The following SLC39A10 variants were observed in gnomAD, a reference collection of about 807,000 sequenced individuals.
SLC39A10 encodes zinc transporter ZIP10.
In SLC39A10, 13 loss-of-function variants were observed where a neutral mutation model predicts 65.1. The ratio of observed to expected loss-of-function variants is 0.20; its 90% CI spans 0.13 to 0.32. SLC39A10 has a LOEUF of 0.32. Ranked by LOEUF, SLC39A10 falls within the 10% of genes least tolerant of loss-of-function variation. The probability of loss-of-function intolerance (pLI) is 1.00; values close to 1 mark genes in which losing one functional copy is unlikely to be tolerated. For missense variants in SLC39A10, 831 were observed against 1,018.4 expected (o/e 0.82, Z 2.50); for synonymous variants, 321 against 342.2 (o/e 0.94, Z 0.68).
intron 6 of SLC39A10, 56 bp downstream of exon 6, chr2:195,713,609 A>G (rs1287628719): frequency 1.3e-6 from 2 of 1,487,142 alleles, no homozygotes; most frequent in African/African-American, 2.9e-5. Flanking sequence ...TTTCATTCAA[A>G]TTTACATTTA....
chr2:195,718,382 C>A, intron 8 of SLC39A10, 50 bp downstream of exon 8: 1 of 1,393,232 alleles, frequency 7.2e-7, no homozygotes, highest in South Asian at 1.3e-5. Context: ...CTAAGACTTC[C>A]TTAATTGTAA....
In SLC39A10 at chr2:195,680,326, A is replaced by G; in HGVS notation, c.284A>G (p.Lys95Arg). 3 of 1,614,170 alleles carry G rather than the reference A, an allele frequency of 1.9e-6. No individual in the cohort carries two copies. The highest frequency in any genetic ancestry group is 2.5e-6 in the Non-Finnish European group (3 of 1,180,034). ...LLTNLGLGER[K>R]VVEINHEDLG... ...ACAAACTTGGGCCTTGGAGAGAGAA[A>G]AGTAGTTGAGATTAATCATGAGGAT... The change falls in exon 2 of 10, where the codon AAA (lysine) becomes AGA (arginine). Residue 95 changes from lysine (K) to arginine (R), a missense_variant. By Grantham distance (26) the Lys-to-Arg change is conservative (BLOSUM62 2). This residue lies in a region of SLC39A10 where 446 missense variants were observed against 499.2 expected (regional missense o/e 0.89). Transcript: ENST00000359634.
intron 8 of SLC39A10, among the ~76,000 whole-genome samples, chr2:195,722,881 G>A (rs1025193613): frequency 1.3e-5 from 2 of 152,184 alleles, no homozygotes; most frequent in Admixed American, 6.5e-5. Flanking sequence ...AATACATGGA[G>A]ACTGACCCTC....
intron 2 of SLC39A10, among the ~76,000 whole-genome samples, chr2:195,645,646 T>C (rs1688899634): frequency 6.6e-6 from 1 of 152,182 alleles, no homozygotes; most frequent in Admixed American, 6.5e-5. Flanking sequence ...CTCTATAAAT[T>C]TTCCTATTCT....
intron 3 of SLC39A10, among the ~76,000 whole-genome samples, chr2:195,697,388 CT>C (rs1030579027): frequency 1.3e-4 from 19 of 151,906 alleles, no homozygotes; most frequent in African/African-American, 4.4e-4. Flanking sequence ...ATTTATTTGT[CT>C]TCTTTAATTT....
At chr2:195,625,837 C>G (rs965238085) in intron 2 of SLC39A10, among the ~76,000 whole-genome samples, 5 of 152,176 alleles carry the variant, frequency 3.3e-5, no homozygotes, top group African/African-American at 1.2e-4. Context: ...AGAACAGTCT[C>G]GCTCTGTCAC....
intron 2 of SLC39A10, among the ~76,000 whole-genome samples, chr2:195,619,222 A>C (rs2105685167): frequency 6.6e-6 from 1 of 152,106 alleles, no homozygotes; most frequent in East Asian, 1.9e-4. Context: ...TAGGTAGTAG[A>C]GTAAAATAAA....
At chr2:195,703,313 A>C (rs1180861800) in intron 3 of SLC39A10, among the ~76,000 whole-genome samples, 1 of 152,226 alleles carries the variant, frequency 6.6e-6, no homozygotes, top group Non-Finnish European at 1.5e-5. Flanking sequence ...GCATCTTTGA[A>C]AATATTTTTA....
At chr2:195,621,725 C>G (rs1052811125) in intron 2 of SLC39A10, among the ~76,000 whole-genome samples, 1 of 152,142 alleles carries the variant, frequency 6.6e-6, no homozygotes, top group African/African-American at 2.4e-5. Flanking sequence ...GCAAACTAAC[C>G]TGAATAAATT....
intron 2 of SLC39A10, among the ~76,000 whole-genome samples, chr2:195,632,286 C>T (rs1438962519): frequency 8.2e-6 from 1 of 121,908 alleles, no homozygotes; most frequent in African/African-American, 3.3e-5. Context: ...TCTCATTCTA[C>T]TTCCTTTTTT....
intron 8 of SLC39A10, among the ~76,000 whole-genome samples, chr2:195,727,329 TTCA>T (rs1333636383): frequency 2.0e-5 from 3 of 152,296 alleles, no homozygotes; most frequent in African/African-American, 7.2e-5. Context: ...GTCACCATTC[TTCA>T]TCAGCACAGT....
chr2:195,626,598 A>T lies in SLC39A10; in HGVS notation c.-12+20365A>T, dbSNP rs993378161. Among the ~76,000 whole-genome samples the T allele has an allele frequency of 6.3e-4, 95 of 151,030 alleles. 1 individual carries two copies. Among genetic ancestry groups the T allele is most frequent in the Admixed American group, 6.6e-5 (1 of 15,112 alleles). ...GCATTACTAATCTATATATTATCTT[A>T]AAAAAAAACAAGACTTACATAATTA... On this transcript the variant is annotated intron_variant, in intron 2 of 2. Coordinates refer to the SLC39A10 transcript ENST00000458054.
chr2:195,638,643 C>T (rs1414921350), intron 2 of SLC39A10, among the ~76,000 whole-genome samples: 2 of 152,036 alleles, frequency 1.3e-5, no homozygotes, highest in Non-Finnish European at 2.9e-5. Flanking sequence ...CGCACCCAGC[C>T]TAAAACGGTT....
chr2:195,720,370 C>G (rs1347893711), intron 8 of SLC39A10, among the ~76,000 whole-genome samples: 4 of 152,126 alleles, frequency 2.6e-5, no homozygotes, highest in Admixed American at 2.0e-4. Context: ...AAAACAGTAG[C>G]TTAAGATGTA....
chr2:195,674,465 T>C (rs1690001035), intron 1 of SLC39A10: 2 of 351,734 alleles, frequency 5.7e-6, no homozygotes, highest in East Asian at 1.7e-4. Context: ...TTAGTAGAGA[T>C]GGGGTTTCAC....
At position 195,670,828 on chromosome 2, in the gene SLC39A10, C is replaced by T. The variant is rs1377093212; in HGVS notation, c.-11-9204C>T. ...GTTAAAAAAAGCACATTTCCCTTTG[C>T]GTATTATTAAGTATGGATGTGTTTC... On this transcript the variant is annotated intron_variant, in intron 1 of 9. Transcript: ENST00000359634. 3.3e-5 allele frequency among the ~76,000 whole-genome samples: 5 copies of T among 152,148 alleles called. No individual in the cohort carries two copies. In the East Asian group the frequency reaches 5.8e-4, roughly 18 times the overall value.
chr2:195,671,003 A>C (rs1225791655), intron 1 of SLC39A10, among the ~76,000 whole-genome samples: 3 of 152,232 alleles, frequency 2.0e-5, no homozygotes, highest in Non-Finnish European at 4.4e-5. Context: ...CATGAAGTGA[A>C]GTGCAACCAT....
At position 195,728,486 on chromosome 2, in the gene SLC39A10, G is replaced by T; in HGVS notation, c.2337+137G>T. 14 of 797,080 alleles carry T rather than the reference G, an allele frequency of 1.8e-5. No individual in the cohort carries two copies. The highest frequency in any genetic ancestry group is 7.9e-4 in the Middle Eastern group (2 of 2,540). 49.4% of individuals were successfully genotyped at this position (797,080 alleles called of 1,614,324 possible). On this transcript the variant is annotated intron_variant, in intron 9 of 9. Transcript: ENST00000359634. This position sits in a 1 kb window ranked among gnomAD's most constrained non-coding sequence, Gnocchi z 4.4. The stretch of plus-strand genomic sequence containing the variant: ...TATCCTAAATAATCTCTTAAGGAAG[G>T]ACATTTAAGTAGGAGGTTTCCTTTT...
chr2:195,645,672 G>A (rs143631850), intron 2 of SLC39A10, among the ~76,000 whole-genome samples: 5 of 152,042 alleles, frequency 3.3e-5, no homozygotes, highest in African/African-American at 4.8e-5. Flanking sequence ...CCTCATAGAA[G>A]TGAAATCATA....
Sources: gnomAD v4.1 joint callset for allele counts (sites outside exome capture counted in the v4.1 genomes callset) on GRCh38, gnomAD v4.1.1 for gene constraint, gnomAD v4.1.1 regional missense constraint, Gnocchi (gnomAD v3.1) non-coding constraint, MANE v1.5 for transcripts, NCBI Gene and HGNC (gene_info 2026-07-23, HGNC 2026-07-21) for gene names.